Variants in TMEM232 observed in about 807,000 individuals in gnomAD.
TMEM232 encodes the protein transmembrane protein 232.
A neutral mutation model predicts 78.8 loss-of-function variants in TMEM232; 80 were observed. The ratio of observed to expected loss-of-function variants is 1.01; its 90% CI spans 0.85 to 1.22. The LOEUF (loss-of-function observed/expected upper bound fraction) is 1.22, where lower values mean the gene tolerates loss of function less well. Ranked by LOEUF, TMEM232 falls within the 50% of genes most tolerant of loss-of-function variation. The pLI is 0.00. For missense variants in TMEM232, 881 were observed against 742.2 expected (o/e 1.19, Z -2.17); for synonymous variants, 297 against 254.3 (o/e 1.17, Z -1.60).
intron 10 of TMEM232, among the ~76,000 whole-genome samples, chr5:110,594,214 A>G (rs1388377039): frequency 6.6e-6 from 1 of 151,898 alleles, no homozygotes; most frequent in Non-Finnish European, 1.5e-5. Context: ...CTGGGGAACT[A>G]CCTTCCCTAG....
intron 2 of TMEM232, among the ~76,000 whole-genome samples, chr5:110,655,759 A>T (rs1355122413): frequency 2.0e-5 from 3 of 151,944 alleles, no homozygotes; most frequent in African/African-American, 7.3e-5. Context: ...CTCTGTAGGG[A>T]CATGGATGAA....
chr5:110,424,714 C>T, intron 13 of TMEM232, 109 bp downstream of exon 13: 1 of 872,488 alleles, frequency 1.1e-6, no homozygotes, highest in Non-Finnish European at 1.7e-6. Flanking sequence ...CATGGCTCTA[C>T]TTTTAAATTT....
intron 5 of TMEM232, among the ~76,000 whole-genome samples, chr5:110,631,873 C>T (rs1785176124): frequency 6.6e-6 from 1 of 152,070 alleles, no homozygotes; most frequent in Admixed American, 6.6e-5. Context: ...ACCAAGAACT[C>T]CCTCACCTGC....
At chr5:110,404,372 A>T (rs1463439782) in intron 2 of TMEM232, among the ~76,000 whole-genome samples, 1 of 152,064 alleles carries the variant, frequency 6.6e-6, no homozygotes, top group East Asian at 1.9e-4. Flanking sequence ...GGCAAGGAAA[A>T]AGTAAAAGAT....
intron 12 of TMEM232, among the ~76,000 whole-genome samples, chr5:110,514,887 C>T (rs1246192174): frequency 6.6e-6 from 1 of 152,126 alleles, no homozygotes; most frequent in Non-Finnish European, 1.5e-5. Context: ...TAGAGAGGTT[C>T]AAGGCCTAGA....
intron 2 of TMEM232, among the ~76,000 whole-genome samples, chr5:110,410,225 G>A (rs1755941148): frequency 6.6e-6 from 1 of 152,176 alleles, no homozygotes; most frequent in Admixed American, 6.5e-5. Flanking sequence ...AATTCATTGT[G>A]AAGGTATAGT....
intron 12 of TMEM232, among the ~76,000 whole-genome samples, chr5:110,484,336 G>A (rs990720050): frequency 4.0e-5 from 6 of 151,226 alleles, no homozygotes; most frequent in African/African-American, 7.3e-5. Context: ...GTGAAAAATC[G>A]AAAAAATATA....
intron 11 of TMEM232, among the ~76,000 whole-genome samples, chr5:110,531,854 A>T (rs1771534306): frequency 6.6e-6 from 1 of 152,170 alleles, no homozygotes; most frequent in Non-Finnish European, 1.5e-5. Context: ...AGGCCGTCTT[A>T]TTCTCAATAT....
intron 12 of TMEM232, among the ~76,000 whole-genome samples, chr5:110,523,940 CAA>C (rs1769949643): frequency 9.0e-6 from 1 of 111,076 alleles, no homozygotes; most frequent in Admixed American, 1.4e-4. Context: ...GCCTGGGTGA[CAA>C]AGACTTGGTT....
At chr5:110,685,633 T>C (rs980987462) in intron 1 of TMEM232, among the ~76,000 whole-genome samples, 1 of 152,148 alleles carries the variant, frequency 6.6e-6, no homozygotes, top group East Asian at 1.9e-4. Flanking sequence ...ACCTACACCC[T>C]GACCTAGAAA....
At chr5:110,695,034 T>C (rs1417257261) in intron 1 of TMEM232, among the ~76,000 whole-genome samples, 2 of 152,120 alleles carry the variant, frequency 1.3e-5, no homozygotes, top group Non-Finnish European at 2.9e-5. Context: ...TATTCCAAAA[T>C]TGAACACATA....
chr5:110,505,872 T>C (rs1766830299), intron 12 of TMEM232, among the ~76,000 whole-genome samples: 2 of 152,190 alleles, frequency 1.3e-5, no homozygotes, highest in African/African-American at 4.8e-5. Flanking sequence ...TTTATTTCCT[T>C]TCTTTTTTGT....
intron 12 of TMEM232, among the ~76,000 whole-genome samples, chr5:110,444,512 G>C (rs999909010): frequency 4.6e-5 from 7 of 152,154 alleles, no homozygotes; most frequent in African/African-American, 1.7e-4. Context: ...TCAGTGACAG[G>C]AATTTAAAAT....
chr5:110,525,664 G>A (rs954760810), intron 12 of TMEM232, among the ~76,000 whole-genome samples: 2 of 151,554 alleles, frequency 1.3e-5, no homozygotes, highest in Non-Finnish European at 3.0e-5. Context: ...CAACTAGATT[G>A]TTAGAAGTAG....
rs2112602260 is a variant in TMEM232 at position 110,419,952 on chromosome 5, C to T, written c.*628G>A. 6.6e-6 allele frequency among the ~76,000 whole-genome samples: 1 copy of T among 152,202 alleles called. No homozygotes were observed. The highest frequency in any genetic ancestry group is 2.1e-4 in the South Asian group (1 of 4,826). ...GTTCATAAGAATTCATTCTCATAAA[C>T]TCACAGAACAGAGTAAAACCACCAT... On this transcript the variant is annotated 3_prime_UTR_variant, in exon 14 of 14. Coordinates refer to ENST00000455884, the MANE Select transcript of TMEM232 (RefSeq NM_001039763.4).
At chr5:110,455,234 T>G (rs2149343661) in intron 12 of TMEM232, among the ~76,000 whole-genome samples, 1 of 152,296 alleles carries the variant, frequency 6.6e-6, no homozygotes, top group Admixed American at 6.5e-5. Flanking sequence ...AAGAAAGATA[T>G]AATGCCAATT....
upstream of TMEM232, among the ~76,000 whole-genome samples, chr5:110,728,618 A>G (rs1798377072): frequency 6.6e-6 from 1 of 151,522 alleles, no homozygotes; most frequent in Admixed American, 6.6e-5. Context: ...AAATAAATCT[A>G]ATAAAGTCAT....
chr5:110,449,308 G>A (rs1324576683), intron 12 of TMEM232, among the ~76,000 whole-genome samples: 1 of 151,954 alleles, frequency 6.6e-6, no homozygotes, highest in Admixed American at 6.6e-5. Flanking sequence ...ATGGATTATA[G>A]ACAATGTGTA....
intron 12 of TMEM232, among the ~76,000 whole-genome samples, chr5:110,485,138 AAAG>A (rs1764324504): frequency 6.6e-6 from 1 of 152,134 alleles, no homozygotes; most frequent in African/African-American, 2.4e-5. Flanking sequence ...ACCCAGAAGA[AAAG>A]AAGTCATTTT....
Sources: gnomAD v4.1 joint callset for allele counts (sites outside exome capture counted in the v4.1 genomes callset) on GRCh38, gnomAD v4.1.1 for gene constraint, MANE v1.5 for transcripts, NCBI Gene and HGNC (gene_info 2026-07-23, HGNC 2026-07-21) for gene names.